The following GRM5 variants were observed in gnomAD, a reference collection of about 807,000 sequenced individuals.
GRM5 encodes metabotropic glutamate receptor 5.
A neutral mutation model predicts 83.1 loss-of-function variants in GRM5; 19 were observed. That is an observed-to-expected ratio of 0.23 (90% CI 0.16 to 0.34). The LOEUF (loss-of-function observed/expected upper bound fraction) is 0.34, where lower values mean the gene tolerates loss of function less well. Among genes scored for constraint, GRM5 ranks in the 10% least tolerant of loss-of-function variants. The pLI is 1.00. For missense variants in GRM5, 1,160 were observed against 1,588.3 expected (o/e 0.73, Z 4.58); for synonymous variants, 675 against 633.6 (o/e 1.07, Z -0.98).
chr11:88,593,769 TCTC>T lies in GRM5; in HGVS notation c.1564-3045_1564-3043del. 2.1e-5 allele frequency among the ~76,000 whole-genome samples: 2 copies of T among 94,464 alleles called. 1 individual carries two copies. Among genetic ancestry groups the T allele is most frequent in the Non-Finnish European group, 5.7e-5 (2 of 35,236 alleles). 62.0% of individuals were successfully genotyped at this position (94,464 alleles called of 152,430 possible). On this transcript the variant is annotated intron_variant, in intron 6 of 9. Coordinates refer to ENST00000305447, the MANE Select transcript of GRM5 (RefSeq NM_001143831.3). ...CCTTCGCTCCCTCCCTCCTTCTCTC[TCTC>T]TCTCTCTCTCTCTTTCTCTCTTTTT...
At chr11:88,559,952 C>T (rs1465709538) in intron 8 of GRM5, among the ~76,000 whole-genome samples, 8 of 152,100 alleles carry the variant, frequency 5.3e-5, no homozygotes, top group African/African-American at 1.9e-4. Flanking sequence ...GAGAGGCTTT[C>T]CAGCAGAATT....
intron 2 of GRM5, among the ~76,000 whole-genome samples, chr11:89,034,889 C>T (rs1941349151): frequency 7.0e-6 from 1 of 143,186 alleles, no homozygotes; most frequent in African/African-American, 2.6e-5. Context: ...GTATAAGAGG[C>T]TTTGCTGTTA....
intron 3 of GRM5, among the ~76,000 whole-genome samples, chr11:88,783,424 T>G (rs536846373): frequency 6.6e-6 from 1 of 152,172 alleles, no homozygotes; most frequent in South Asian, 2.1e-4. Flanking sequence ...TATTTAAAAT[T>G]TTACAGGCAC....
chr11:88,829,622 T>C (rs1943951609), intron 3 of GRM5, among the ~76,000 whole-genome samples: 1 of 152,162 alleles, frequency 6.6e-6, no homozygotes, highest in African/African-American at 2.4e-5. Flanking sequence ...TGTTGTTATT[T>C]CAATGGGAAA....
intron 2 of GRM5, among the ~76,000 whole-genome samples, chr11:88,975,707 G>A (rs112454212): frequency 1.3e-5 from 2 of 152,188 alleles, no homozygotes; most frequent in African/African-American, 4.8e-5. Flanking sequence ...GGGCATGAAT[G>A]TTTGTGAAGC....
chr11:88,654,777 AT>A (rs112062521), intron 3 of GRM5, among the ~76,000 whole-genome samples: 2 of 151,234 alleles, frequency 1.3e-5, no homozygotes, highest in East Asian at 1.9e-4. Flanking sequence ...TGCCCTTAAC[AT>A]TTTTTTTTCT....
chr11:88,916,553 C>A (rs1182422082), intron 2 of GRM5, among the ~76,000 whole-genome samples: 2 of 152,064 alleles, frequency 1.3e-5, no homozygotes, highest in Non-Finnish European at 2.9e-5. Flanking sequence ...TTAAATTGCC[C>A]TGAGATCCTA....
At chr11:88,728,271 C>T (rs1941725759) in intron 3 of GRM5, among the ~76,000 whole-genome samples, 1 of 152,072 alleles carries the variant, frequency 6.6e-6, no homozygotes, top group Non-Finnish European at 1.5e-5. Context: ...ACTAGAAAAT[C>T]TAGAAGAAAT....
chr11:88,654,414 C>T (rs961129108), intron 3 of GRM5, among the ~76,000 whole-genome samples: 1 of 152,058 alleles, frequency 6.6e-6, no homozygotes, highest in African/African-American at 2.4e-5. Context: ...TTGGTATATA[C>T]ACAGTTTGTG....
rs556112114 is a variant in GRM5 at position 88,745,299 on chromosome 11, C to G, written c.912-91896G>C. On this transcript the variant is annotated intron_variant, in intron 3 of 9. Transcript: ENST00000305447. The stretch of plus-strand genomic sequence containing the variant: ...CACTGCAACCTCAACCCTTCGGGCT[C>G]AATCCACCCACCCACCTCAGCCTCA... Among the ~76,000 whole-genome samples the G allele has an allele frequency of 8.4e-4, 84 of 100,474 alleles. 1 individual carries two copies. In the Middle Eastern group the frequency reaches 0.019, roughly 23 times the overall value. 65.9% of individuals were successfully genotyped at this position (100,474 alleles called of 152,430 possible).
chr11:89,027,155 G>A (rs1403396617), intron 2 of GRM5, among the ~76,000 whole-genome samples: 4 of 151,718 alleles, frequency 2.6e-5, no homozygotes, highest in Admixed American at 2.0e-4. Flanking sequence ...GAGTGCAGTG[G>A]CGCAATCTCG....
intron 1 of GRM5, among the ~76,000 whole-genome samples, chr11:89,058,671 A>C (rs1201445557): frequency 6.6e-6 from 1 of 152,210 alleles, no homozygotes; most frequent in Non-Finnish European, 1.5e-5. Context: ...AAAAGGTAGA[A>C]ATTTCAATTT....
intron 2 of GRM5, among the ~76,000 whole-genome samples, chr11:89,035,945 GAAGTA>G (rs988815154): frequency 6.6e-6 from 1 of 151,988 alleles, no homozygotes; most frequent in Non-Finnish European, 1.5e-5. Context: ...TCTAGTTGGA[GAAGTA>G]AAGGCACATA....
chr11:89,035,095 A>G (rs1286757327), intron 2 of GRM5, among the ~76,000 whole-genome samples: 1 of 151,722 alleles, frequency 6.6e-6, no homozygotes, highest in Non-Finnish European at 1.5e-5. Context: ...TGTATTGAGA[A>G]TTGAAAACAG....
chr11:88,981,369 C>T (rs1327668174), intron 2 of GRM5, among the ~76,000 whole-genome samples: 1 of 152,048 alleles, frequency 6.6e-6, no homozygotes, highest in Non-Finnish European at 1.5e-5. Context: ...GACTTCCAAA[C>T]CTAGACTCAA....
At chr11:88,523,353 CT>C (rs1941756080) in intron 9 of GRM5, among the ~76,000 whole-genome samples, 7 of 152,196 alleles carry the variant, frequency 4.6e-5, no homozygotes, top group Non-Finnish European at 1.0e-4. Flanking sequence ...TTAGAAGTCA[CT>C]CTGGGAAGAG....
At chr11:88,978,893 C>T (rs900647145) in intron 2 of GRM5, among the ~76,000 whole-genome samples, 3 of 152,142 alleles carry the variant, frequency 2.0e-5, no homozygotes, top group African/African-American at 4.8e-5. Flanking sequence ...CGAGATTGAA[C>T]GCAGGATTCC....
At chr11:88,722,651 T>C (rs186124081) in intron 3 of GRM5, among the ~76,000 whole-genome samples, 24 of 152,284 alleles carry the variant, frequency 1.6e-4, no homozygotes, top group African/African-American at 5.3e-4. Flanking sequence ...CAAAATGGTC[T>C]GTTTTGTTTG....
At chr11:88,678,725 G>T (rs1024069958) in intron 3 of GRM5, among the ~76,000 whole-genome samples, 1 of 152,086 alleles carries the variant, frequency 6.6e-6, no homozygotes, top group East Asian at 1.9e-4. Context: ...TGAAGAAACT[G>T]ATTTTATCTA....
Sources: gnomAD v4.1 joint callset for allele counts (sites outside exome capture counted in the v4.1 genomes callset) on GRCh38, gnomAD v4.1.1 for gene constraint, MANE v1.5 for transcripts, NCBI Gene and HGNC (gene_info 2026-07-23, HGNC 2026-07-21) for gene names.